Variants in SUCLG2 observed in about 807,000 individuals in gnomAD.
SUCLG2 encodes succinate-CoA ligase GDP-forming subunit beta, also known as succinate--CoA ligase [GDP-forming] subunit beta, mitochondrial.
SUCLG2 carries 42 observed loss-of-function variants against 47.9 expected under a neutral mutation model. The observed-to-expected ratio is 0.88, with a 90% CI of 0.69 to 1.14. The LOEUF (loss-of-function observed/expected upper bound fraction) is 1.14, where lower values mean the gene tolerates loss of function less well. SUCLG2 is among the 50% of genes most tolerant of loss of function. SUCLG2 has a pLI of 0.00. For synonymous variants in SUCLG2, 195 were observed against 197.3 expected, an observed-to-expected ratio of 0.99 and a Z score of 0.10; for missense variants, 571 against 525.9, an observed-to-expected ratio of 1.09 and a Z score of -0.84.
chr3:67,468,172 A>G (rs769586384), intron 9 of SUCLG2, among the ~76,000 whole-genome samples: 5 of 152,176 alleles, frequency 3.3e-5, no homozygotes, highest in Non-Finnish European at 7.4e-5. Context: ...CGAATCTTCA[A>G]TTTGTCTAAG....
chr3:67,503,066 C>T (rs1705542780), intron 7 of SUCLG2, among the ~76,000 whole-genome samples: 1 of 152,150 alleles, frequency 6.6e-6, no homozygotes, highest in South Asian at 2.1e-4. Flanking sequence ...TGGAACATAG[C>T]CTCGTTCATA....
At chr3:67,396,850 A>G (rs1469740483) in intron 10 of SUCLG2, among the ~76,000 whole-genome samples, 1 of 152,258 alleles carries the variant, frequency 6.6e-6, no homozygotes, top group Non-Finnish European at 1.5e-5. Flanking sequence ...CATCACTGGG[A>G]TGCAAGGCTG....
intron 9 of SUCLG2, among the ~76,000 whole-genome samples, chr3:67,406,461 G>A (rs1182389749): frequency 6.6e-6 from 1 of 152,216 alleles, no homozygotes; most frequent in Non-Finnish European, 1.5e-5. Context: ...ACACCAGGTG[G>A]TGAGGGAGGG....
chr3:67,524,980 C>G (rs1178968857), intron 4 of SUCLG2, among the ~76,000 whole-genome samples: 1 of 152,144 alleles, frequency 6.6e-6, no homozygotes, highest in Non-Finnish European at 1.5e-5. Flanking sequence ...AAATCAACAC[C>G]AATTAACAAT....
intron 2 of SUCLG2, among the ~76,000 whole-genome samples, chr3:67,584,958 A>G (rs1707978538): frequency 6.6e-6 from 1 of 152,176 alleles, no homozygotes; most frequent in African/African-American, 2.4e-5. Flanking sequence ...TGGGAACTAA[A>G]ATTCAAGATG....
chr3:67,407,706 G>A (rs1014659414), intron 9 of SUCLG2, among the ~76,000 whole-genome samples: 10 of 152,200 alleles, frequency 6.6e-5, no homozygotes, highest in African/African-American at 2.2e-4. Flanking sequence ...TAGTCCCACT[G>A]TAGCAGGCAT....
chr3:67,474,928 C>A (rs963051617), intron 9 of SUCLG2, among the ~76,000 whole-genome samples: 1 of 151,850 alleles, frequency 6.6e-6, no homozygotes, highest in African/African-American at 2.4e-5. Flanking sequence ...ACTTTCCCAA[C>A]CCTCAGAATT....
intron 2 of SUCLG2, among the ~76,000 whole-genome samples, chr3:67,598,252 G>T (rs1242132095): frequency 6.6e-6 from 1 of 152,106 alleles, no homozygotes; most frequent in Non-Finnish European, 1.5e-5. Flanking sequence ...AAAGTGCTAG[G>T]ATTACAGGTG....
At chr3:67,486,098 C>T (rs1439935516) in intron 9 of SUCLG2, among the ~76,000 whole-genome samples, 1 of 151,998 alleles carries the variant, frequency 6.6e-6, no homozygotes, top group East Asian at 1.9e-4. Flanking sequence ...AACCCTGTCT[C>T]TACAAAACAA....
At chr3:67,563,822 G>A (rs1707376502) in intron 2 of SUCLG2, among the ~76,000 whole-genome samples, 1 of 151,936 alleles carries the variant, frequency 6.6e-6, no homozygotes, top group African/African-American at 2.4e-5. Context: ...TTAGCTGGGA[G>A]TGATGGCAGG....
intron 7 of SUCLG2, among the ~76,000 whole-genome samples, chr3:67,504,486 A>C (rs1022744768): frequency 6.6e-6 from 1 of 152,210 alleles, no homozygotes; most frequent in African/African-American, 2.4e-5. Flanking sequence ...CACTGCTTCA[A>C]ATTGGATCTC....
chr3:67,438,592 G>C (rs1481929555), intron 9 of SUCLG2, among the ~76,000 whole-genome samples: 1 of 152,100 alleles, frequency 6.6e-6, no homozygotes, highest in African/African-American at 2.4e-5. Flanking sequence ...ACTACCATCA[G>C]AGAATACTAC....
chr3:67,518,222 C>T, intron 6 of SUCLG2, 25 bp downstream of exon 6: 1 of 1,581,610 alleles, frequency 6.3e-7, no homozygotes, highest in Non-Finnish European at 8.6e-7. Flanking sequence ...AAGTCAGACA[C>T]ACCATCCCCC....
At chr3:67,407,417 A>C (rs187252561) in intron 9 of SUCLG2, among the ~76,000 whole-genome samples, 6 of 152,336 alleles carry the variant, frequency 3.9e-5, no homozygotes, top group Middle Eastern at 3.4e-3. Context: ...GGCCAATTAC[A>C]TAAAGGAGTC....
intron 10 of SUCLG2, among the ~76,000 whole-genome samples, chr3:67,379,935 C>T (rs1484048847): frequency 3.9e-5 from 6 of 152,218 alleles, no homozygotes; most frequent in Non-Finnish European, 1.5e-5. Context: ...CCCCTCTAAA[C>T]ATCCACTTTC....
At chr3:67,365,275 G>C (rs1484918761) in intron 10 of SUCLG2, among the ~76,000 whole-genome samples, 2 of 152,160 alleles carry the variant, frequency 1.3e-5, no homozygotes, top group Admixed American at 1.3e-4. Context: ...TTTGGCTAAA[G>C]ACATACACCT....
chr3:67,596,455 G>A (rs562645093), intron 2 of SUCLG2, among the ~76,000 whole-genome samples: 91 of 152,290 alleles, frequency 6.0e-4, no homozygotes, highest in Middle Eastern at 6.8e-3. Flanking sequence ...TTAATAATGA[G>A]TCAGAAAGGG....
At chr3:67,620,729 GT>G (rs1559600340) in intron 1 of SUCLG2, among the ~76,000 whole-genome samples, 2 of 152,132 alleles carry the variant, frequency 1.3e-5, no homozygotes, top group East Asian at 3.9e-4. Context: ...AGGTATACCT[GT>G]GAAGGAACTG....
At chr3:67,508,682 G>T in intron 7 of SUCLG2, 125 bp downstream of exon 7, 2 of 732,896 alleles carry the variant, frequency 2.7e-6, no homozygotes, top group Non-Finnish European at 4.4e-6. Context: ...TTCAAACTAT[G>T]GCAGAAATTA....
Sources: allele counts gnomAD v4.1 joint callset (sites outside exome capture counted in the v4.1 genomes callset), GRCh38; gene constraint gnomAD v4.1.1; transcripts MANE v1.5; gene names NCBI Gene and HGNC (gene_info 2026-07-23, HGNC 2026-07-21).